STK32B: variants seen among roughly 807,000 people sequenced by gnomAD.
The protein encoded by STK32B is serine/threonine kinase 32B.
In STK32B, 43 loss-of-function variants were observed where a neutral mutation model predicts 52.6. The observed-to-expected ratio is 0.82, with a 90% confidence interval of 0.64 to 1.05. The LOEUF (loss-of-function observed/expected upper bound fraction) is 1.05. Ranked by LOEUF, STK32B falls within the 50% of genes least tolerant of loss-of-function variation. The pLI, the probability that STK32B is intolerant of heterozygous loss-of-function variation, is 0.00. For synonymous variants in STK32B, 238 were observed against 204.3 expected (o/e 1.17, Z -1.41); for missense variants, 621 against 534.6 (o/e 1.16, Z -1.59).
chr4:5,305,352 C>T (rs1278083178), intron 3 of STK32B, among the ~76,000 whole-genome samples: 5 of 151,970 alleles, frequency 3.3e-5, no homozygotes, highest in Admixed American at 1.3e-4. Flanking sequence ...TTTTAATTAC[C>T]ATTTCAATCT....
intron 6 of STK32B, among the ~76,000 whole-genome samples, chr4:5,443,061 G>A (rs1004992491): frequency 1.3e-5 from 2 of 150,580 alleles, no homozygotes; most frequent in Admixed American, 6.6e-5. Flanking sequence ...TTCAACTTTG[G>A]TGAATCTGAC....
chr4:5,303,020 A>T (rs553998151), intron 3 of STK32B, among the ~76,000 whole-genome samples: 2 of 151,680 alleles, frequency 1.3e-5, no homozygotes, highest in African/African-American at 2.4e-5. Context: ...ATATATGTAT[A>T]TGTGGGTGTG....
rs1553876827 is a variant in STK32B, at chr4:5,352,617, TAA to T, written c.434+21237_434+21238del. 4.2e-3 allele frequency among the ~76,000 whole-genome samples: 359 copies of T among 85,984 alleles called. 1 individual carries two copies. The highest frequency in any genetic ancestry group is 0.019 in the African/African-American group (313 of 16,710). 56.4% of individuals were successfully genotyped at this position (85,984 alleles called of 152,430 possible). On this transcript the variant is annotated intron_variant, in intron 4 of 11. Coordinates refer to ENST00000282908, the MANE Select transcript of STK32B (RefSeq NM_018401.3). ...AAAGCAATCAGAAAAGAGAAAGAAA[TAA>T]AAAAAAAAAAAACGTCCAAACTAAA...
chr4:5,126,744 A>G (rs1433654669), intron 1 of STK32B, among the ~76,000 whole-genome samples: 2 of 152,218 alleles, frequency 1.3e-5, no homozygotes, highest in South Asian at 2.1e-4. Flanking sequence ...TAACATGACT[A>G]TATCACCTGT....
intron 3 of STK32B, among the ~76,000 whole-genome samples, chr4:5,231,221 C>T (rs140558162): frequency 3.9e-5 from 6 of 152,298 alleles, no homozygotes; most frequent in East Asian, 3.9e-4. Flanking sequence ...GGGAAGAGAT[C>T]GTACATGTCT....
rs910424544 is a variant in STK32B, at chr4:5,163,367, T to C, written c.109-4932T>C. On this transcript the variant is annotated intron_variant, in intron 2 of 11. Transcript: ENST00000282908. ...AGCCTTACAGTAGAAACAGGATTTA[T>C]GGCAGCTTAGTGGGAAGGGCACCGC... 4.6e-5 allele frequency among the ~76,000 whole-genome samples: 7 copies of C among 152,260 alleles called. No homozygotes were observed. The East Asian group carries it at 1.2e-3, about 25-fold the overall frequency.
At chr4:5,177,842 A>T (rs182683151) in intron 3 of STK32B, among the ~76,000 whole-genome samples, 1 of 152,338 alleles carries the variant, frequency 6.6e-6, no homozygotes, top group Non-Finnish European at 1.5e-5. Context: ...GGTCATGATG[A>T]TGCAAGAGTT....
intron 1 of STK32B, among the ~76,000 whole-genome samples, chr4:5,090,233 T>A (rs1421658289): frequency 6.6e-6 from 1 of 152,114 alleles, no homozygotes; most frequent in Non-Finnish European, 1.5e-5. Context: ...CATTTGTCAA[T>A]TTTGGCTTTT....
At chr4:5,300,202 G>A (rs1051757464) in intron 3 of STK32B, among the ~76,000 whole-genome samples, 2 of 152,170 alleles carry the variant, frequency 1.3e-5, no homozygotes, top group African/African-American at 4.8e-5. Flanking sequence ...CTCAATAGAT[G>A]CAGAAAAAGC....
At chr4:5,349,180 C>A (rs1295607506) in intron 4 of STK32B, among the ~76,000 whole-genome samples, 3 of 152,152 alleles carry the variant, frequency 2.0e-5, no homozygotes, top group African/African-American at 7.2e-5. Flanking sequence ...CAAGAGCTGG[C>A]CTGCCTGGAA....
intron 3 of STK32B, among the ~76,000 whole-genome samples, chr4:5,238,292 C>G (rs528990051): frequency 1.1e-4 from 16 of 152,036 alleles, no homozygotes; most frequent in Non-Finnish European, 2.1e-4. Flanking sequence ...TGTAGGAATT[C>G]CTTGGCTTGT....
intron 5 of STK32B, among the ~76,000 whole-genome samples, chr4:5,404,051 G>T (rs1000895768): frequency 1.3e-5 from 2 of 152,108 alleles, no homozygotes; most frequent in African/African-American, 4.8e-5. Flanking sequence ...CTGCAGCACT[G>T]TGCCAGGGGA....
At chr4:5,129,035 A>G (rs1409056460) in intron 1 of STK32B, among the ~76,000 whole-genome samples, 1 of 152,202 alleles carries the variant, frequency 6.6e-6, no homozygotes, top group Non-Finnish European at 1.5e-5. Flanking sequence ...GCCTTGAACT[A>G]ATAGATTATC....
At chr4:5,318,009 T>TTG (rs1731225594) in intron 3 of STK32B, among the ~76,000 whole-genome samples, 1 of 152,120 alleles carries the variant, frequency 6.6e-6, no homozygotes, top group Admixed American at 6.5e-5. Flanking sequence ...TTTCACAAGG[T>TTG]CCCCAGATCC....
chr4:5,291,792 T>C (rs1165401251), intron 3 of STK32B, among the ~76,000 whole-genome samples: 1 of 152,102 alleles, frequency 6.6e-6, no homozygotes, highest in African/African-American at 2.4e-5. Flanking sequence ...TGTTTTTGTT[T>C]TTTGTTTGTT....
In STK32B at chr4:5,328,724, A is replaced by G. The variant is rs73794563; in HGVS notation, c.261-2496A>G. Reference sequence around the variant, plus strand: ...CAGAGATACAAACTGAGCACATGCTATTGGAAAATTGACACTGATAGACTT... The same window carrying G: ...CAGAGATACAAACTGAGCACATGCTGTTGGAAAATTGACACTGATAGACTT... On this transcript the variant is annotated intron_variant, in intron 3 of 11. Transcript: ENST00000282908. Among the ~76,000 whole-genome samples the G allele has an allele frequency of 6.1e-3, 930 of 152,366 alleles. 18 individuals are homozygous for G. Among genetic ancestry groups the G allele is most frequent in the African/African-American group, 0.014 (603 of 41,594 alleles).
chr4:5,457,076 A>C (rs1257306253), intron 8 of STK32B, among the ~76,000 whole-genome samples, 153 bp downstream of exon 8: 1 of 152,166 alleles, frequency 6.6e-6, no homozygotes, highest in Admixed American at 6.5e-5. Flanking sequence ...CCGTGGAATA[A>C]ACGCTGTTAT....
chr4:5,329,685 A>G (rs1361915261), intron 3 of STK32B, among the ~76,000 whole-genome samples: 2 of 152,196 alleles, frequency 1.3e-5, no homozygotes, highest in South Asian at 4.1e-4. Context: ...ACGTAGCCCA[A>G]TGCCTATCAG....
At chr4:5,242,962 T>G (rs1480223464) in intron 3 of STK32B, among the ~76,000 whole-genome samples, 5 of 152,164 alleles carry the variant, frequency 3.3e-5, no homozygotes, top group East Asian at 3.9e-4. Context: ...CCAGTTGCAT[T>G]CTGTCTTGGT....
Sources: gnomAD v4.1 joint callset for allele counts (sites outside exome capture counted in the v4.1 genomes callset) on GRCh38, gnomAD v4.1.1 for gene constraint, MANE v1.5 for transcripts, NCBI Gene and HGNC (gene_info 2026-07-23, HGNC 2026-07-21) for gene names.